Variants in DLC1 observed in about 807,000 individuals in gnomAD.
DLC1 encodes rho GTPase-activating protein 7.
A neutral mutation model predicts 140.3 loss-of-function variants in DLC1; 54 were observed. That is an observed-to-expected ratio of 0.38 (90% CI 0.31 to 0.48). DLC1 has a LOEUF of 0.48. DLC1 is among the 20% of genes least tolerant of loss of function. DLC1 has a pLI of 0.96. For synonymous variants in DLC1, 986 were observed against 728.1 expected (o/e 1.35, Z -5.70); for missense variants, 2,536 against 1,907.0 (o/e 1.33, Z -6.14).
chr8:13,314,252 G>A (rs943374541), intron 4 of DLC1, among the ~76,000 whole-genome samples: 1 of 147,242 alleles, frequency 6.8e-6, no homozygotes, highest in African/African-American at 2.5e-5. Flanking sequence ...ATATACATGT[G>A]TATACATATT....
At chr8:13,243,109 GC>G (rs1829612443) in intron 5 of DLC1, among the ~76,000 whole-genome samples, 1 of 151,754 alleles carries the variant, frequency 6.6e-6, no homozygotes, top group Admixed American at 6.6e-5. Context: ...GGCCAACATG[GC>G]AAAAACCCAT....
intron 5 of DLC1, among the ~76,000 whole-genome samples, chr8:13,171,002 T>C (rs943762620): frequency 6.6e-6 from 1 of 152,182 alleles, no homozygotes; most frequent in Admixed American, 6.5e-5. Flanking sequence ...GAACTATAAC[T>C]CATGTTATGT....
At chr8:13,595,475 T>A (rs1299161903) in intron 1 of DLC1, among the ~76,000 whole-genome samples, 1 of 151,920 alleles carries the variant, frequency 6.6e-6, no homozygotes, top group Non-Finnish European at 1.5e-5. Flanking sequence ...AATTTGACAA[T>A]GTGCCCCACA....
chr8:13,404,369 A>G (rs1345907125), intron 2 of DLC1, among the ~76,000 whole-genome samples: 2 of 152,122 alleles, frequency 1.3e-5, no homozygotes, highest in African/African-American at 4.8e-5. Flanking sequence ...AAATGTGCAT[A>G]ATTGGCCCGT....
At chr8:13,467,375 C>T (rs1345552507) in intron 2 of DLC1, among the ~76,000 whole-genome samples, 3 of 151,936 alleles carry the variant, frequency 2.0e-5, no homozygotes, top group African/African-American at 7.2e-5. Flanking sequence ...TTCCCCTCCC[C>T]TCCTCTCCCC....
chr8:13,184,336 G>T (rs1378445300), intron 5 of DLC1, among the ~76,000 whole-genome samples: 2 of 152,028 alleles, frequency 1.3e-5, no homozygotes, highest in African/African-American at 2.4e-5. Flanking sequence ...CTTGCTTTCT[G>T]CTAGCTTTTG....
chr8:13,302,579 C>T (rs1832244786), intron 5 of DLC1, among the ~76,000 whole-genome samples: 1 of 151,978 alleles, frequency 6.6e-6, no homozygotes, highest in South Asian at 2.1e-4. Context: ...TGGAATGTGC[C>T]CCAAATGATT....
rs1365384275 is a variant in DLC1, at chr8:13,095,326, AC to A, written c.3168-82del. 9 of 1,560,324 alleles carry A rather than the reference AC, an allele frequency of 5.8e-6. No individual in the cohort carries two copies. In the East Asian group the frequency reaches 1.8e-4, roughly 31 times the overall value. ...TACACTTGTCCAATTCTGCAGGCAA[AC>A]CCTGTGGGCTCCAGATCTGTGCTAA... On this transcript the variant is annotated intron_variant, in intron 10 of 17. Transcript: ENST00000276297.
At chr8:13,334,177 T>C (rs1833721990) in intron 4 of DLC1, among the ~76,000 whole-genome samples, 3 of 152,098 alleles carry the variant, frequency 2.0e-5, no homozygotes. Context: ...GCACCATGAA[T>C]AACCAGGAGA....
At chr8:13,406,642 G>A (rs761127205) in intron 2 of DLC1, among the ~76,000 whole-genome samples, 4 of 151,880 alleles carry the variant, frequency 2.6e-5, no homozygotes, top group Non-Finnish European at 4.4e-5. Flanking sequence ...TCAAATCCTC[G>A]GTAATTATGT....
intron 1 of DLC1, among the ~76,000 whole-genome samples, chr8:13,510,958 C>T (rs1247589079): frequency 1.3e-5 from 2 of 152,134 alleles, no homozygotes; most frequent in African/African-American, 2.4e-5. Flanking sequence ...CATTACCATT[C>T]CTCAACCCTG....
chr8:13,435,683 C>A (rs1839088229), intron 2 of DLC1, among the ~76,000 whole-genome samples: 1 of 152,172 alleles, frequency 6.6e-6, no homozygotes, highest in African/African-American at 2.4e-5. Context: ...GATGAAGATA[C>A]TGTGCACATT....
intron 4 of DLC1, among the ~76,000 whole-genome samples, chr8:13,317,923 C>T (rs903453356): frequency 6.6e-6 from 1 of 152,258 alleles, no homozygotes; most frequent in Non-Finnish European, 1.5e-5. Flanking sequence ...GGGGAATAGG[C>T]AACACTTACT....
chr8:13,447,766 T>C (rs1348053583), intron 2 of DLC1, among the ~76,000 whole-genome samples: 1 of 152,208 alleles, frequency 6.6e-6, no homozygotes, highest in Non-Finnish European at 1.5e-5. Flanking sequence ...TTATTAGTGT[T>C]GTTCTTTATT....
intron 5 of DLC1, among the ~76,000 whole-genome samples, chr8:13,119,987 G>C (rs1820901788): frequency 1.4e-5 from 1 of 72,136 alleles, no homozygotes; most frequent in Non-Finnish European, 4.7e-5. Flanking sequence ...GTGAGAGAAG[G>C]AACAATTACT....
intron 1 of DLC1, among the ~76,000 whole-genome samples, chr8:13,550,711 T>A (rs1274085065): frequency 6.6e-6 from 1 of 152,130 alleles, no homozygotes; most frequent in Non-Finnish European, 1.5e-5. Context: ...CACTGCTGAA[T>A]GGACGAATCA....
At chr8:13,250,038 A>C (rs1240267996) in intron 5 of DLC1, among the ~76,000 whole-genome samples, 1 of 152,152 alleles carries the variant, frequency 6.6e-6, no homozygotes, top group Non-Finnish European at 1.5e-5. Context: ...CCCTTGCTCT[A>C]TTCCAGTACT....
At chr8:13,162,561 G>A (rs1258081645) in intron 5 of DLC1, among the ~76,000 whole-genome samples, 1 of 152,124 alleles carries the variant, frequency 6.6e-6, no homozygotes, top group Non-Finnish European at 1.5e-5. Context: ...GACCTCAGGC[G>A]ATCTCCCCGC....
chr8:13,135,551 A>G (rs1822502126), intron 5 of DLC1, among the ~76,000 whole-genome samples: 1 of 151,088 alleles, frequency 6.6e-6, no homozygotes, highest in African/African-American at 2.4e-5. Context: ...CTCAGGCTGC[A>G]GTGTAATATT....
Sources: gnomAD v4.1 joint callset for allele counts (sites outside exome capture counted in the v4.1 genomes callset) on GRCh38, gnomAD v4.1.1 for gene constraint, MANE v1.5 for transcripts, NCBI Gene and HGNC (gene_info 2026-07-23, HGNC 2026-07-21) for gene names.